TENM2: variants seen among roughly 807,000 people sequenced by gnomAD.
TENM2 encodes teneurin-2.
TENM2 carries 52 observed loss-of-function variants against 245.2 expected under a neutral mutation model. That is an observed-to-expected ratio of 0.21 (90% CI 0.17 to 0.27). The LOEUF (loss-of-function observed/expected upper bound fraction) is 0.27, where lower values mean the gene tolerates loss of function less well. Ranked by LOEUF, TENM2 falls within the 10% of genes least tolerant of loss-of-function variation. The pLI is 1.00. For missense variants in TENM2, 3,046 were observed against 3,666.8 expected, an observed-to-expected ratio of 0.83 and a Z score of 4.37; for synonymous variants, 1,363 against 1,438.9, an observed-to-expected ratio of 0.95 and a Z score of 1.19.
At chr5:168,257,355 A>G (rs1767760337) in intron 27 of TENM2, among the ~76,000 whole-genome samples, 1 of 152,102 alleles carries the variant, frequency 6.6e-6, no homozygotes, top group Admixed American at 6.5e-5. Flanking sequence ...AGGGAGAGCA[A>G]GAGAGGCAGA....
chr5:167,027,858 C>A, the TENM2 span, among the ~76,000 whole-genome samples: 1 of 151,902 alleles, frequency 6.6e-6, no homozygotes, highest in Non-Finnish European at 1.5e-5. Context: ...GCAGGTGGAT[C>A]ATTTGAGGTC....
intron 12 of TENM2, among the ~76,000 whole-genome samples, chr5:168,139,694 G>T (rs1409032234): frequency 6.6e-6 from 1 of 152,154 alleles, no homozygotes; most frequent in Non-Finnish European, 1.5e-5. Flanking sequence ...TCCCATACAT[G>T]GGGTAGGCGA....
the TENM2 span, among the ~76,000 whole-genome samples, chr5:167,206,627 T>TA: frequency 6.6e-6 from 1 of 152,342 alleles, no homozygotes; most frequent in East Asian, 1.9e-4. Flanking sequence ...AATGAGCTGT[T>TA]AAAATAAGTA....
At chr5:167,950,867 G>A (rs1020160423) in intron 3 of TENM2, among the ~76,000 whole-genome samples, 1 of 152,298 alleles carries the variant, frequency 6.6e-6, no homozygotes, top group Admixed American at 6.5e-5. Context: ...GATGCATAAT[G>A]TAAAATAGGA....
chr5:167,385,219 A>C (rs1486555700), intron 2 of TENM2, among the ~76,000 whole-genome samples: 1 of 152,006 alleles, frequency 6.6e-6, no homozygotes, highest in Non-Finnish European at 1.5e-5. Context: ...CTTGAATATT[A>C]TTTCTGCTTC....
At chr5:167,032,287 C>T in the TENM2 span, among the ~76,000 whole-genome samples, 1 of 152,194 alleles carries the variant, frequency 6.6e-6, no homozygotes, top group East Asian at 1.9e-4. Context: ...ATCTGCAAAT[C>T]TGTCCTTAAA....
chr5:167,655,889 C>G (rs574519389), intron 2 of TENM2, among the ~76,000 whole-genome samples: 60 of 152,128 alleles, frequency 3.9e-4, no homozygotes, highest in Admixed American at 9.2e-4. Context: ...CCAGGGCCAC[C>G]TTTTGAATCT....
intron 4 of TENM2, among the ~76,000 whole-genome samples, chr5:167,984,067 A>G (rs933296175): frequency 1.3e-5 from 2 of 152,156 alleles, no homozygotes; most frequent in African/African-American, 2.4e-5. Flanking sequence ...CAAGCCCAAG[A>G]AGTAGCTACT....
chr5:168,090,174 A>G (rs1387728973), intron 7 of TENM2, among the ~76,000 whole-genome samples: 1 of 151,452 alleles, frequency 6.6e-6, no homozygotes, highest in African/African-American at 2.4e-5. Context: ...TGTATTACAT[A>G]ATGCAGAGGG....
At chr5:167,334,780 C>G (rs773082013) in intron 1 of TENM2, among the ~76,000 whole-genome samples, 2 of 152,136 alleles carry the variant, frequency 1.3e-5, no homozygotes, top group African/African-American at 4.8e-5. Context: ...TAAAAGGATA[C>G]CAAATTGAAG....
At chr5:167,297,362 G>T (rs1226336560) in intron 1 of TENM2, 1 of 152,184 alleles carries the variant, frequency 6.6e-6, no homozygotes, top group African/African-American at 2.4e-5. Flanking sequence ...CCATCTCCTT[G>T]TTTCTGAGTC....
intron 23 of TENM2, among the ~76,000 whole-genome samples, chr5:168,221,284 AT>A (rs1763650301): frequency 6.6e-6 from 1 of 152,072 alleles, no homozygotes; most frequent in Non-Finnish European, 1.5e-5. Flanking sequence ...TACAGAAGCC[AT>A]TTATCTGCCG....
intron 2 of TENM2, among the ~76,000 whole-genome samples, chr5:167,515,568 A>G (rs1179715083): frequency 8.2e-6 from 1 of 122,562 alleles, no homozygotes; most frequent in Non-Finnish European, 1.7e-5. Flanking sequence ...CTTAATGTCA[A>G]TTGAAGAAGA....
intron 12 of TENM2, among the ~76,000 whole-genome samples, chr5:168,159,912 G>A (rs1013686105): frequency 5.3e-5 from 8 of 152,176 alleles, no homozygotes; most frequent in Admixed American, 2.0e-4. Context: ...TTTTGAGTGC[G>A]TATCTCTGAC....
intron 2 of TENM2, among the ~76,000 whole-genome samples, chr5:167,419,003 A>G (rs1008843803): frequency 2.6e-5 from 4 of 152,176 alleles, no homozygotes; most frequent in Non-Finnish European, 5.9e-5. Context: ...TAATTTGACT[A>G]AAGTATATAA....
At chr5:168,091,629 A>G (rs1458546285) in intron 8 of TENM2, among the ~76,000 whole-genome samples, 1 of 152,232 alleles carries the variant, frequency 6.6e-6, no homozygotes, top group Non-Finnish European at 1.5e-5. Flanking sequence ...TATTAGACCC[A>G]TTTCACAGAA....
At chr5:167,806,517 C>T (rs942223072) in intron 2 of TENM2, among the ~76,000 whole-genome samples, 5 of 152,082 alleles carry the variant, frequency 3.3e-5, no homozygotes, top group Admixed American at 2.6e-4. Flanking sequence ...CTTCTCTTCC[C>T]TATTGCCTTT....
chr5:167,353,509 T>G (rs113430131), intron 1 of TENM2, among the ~76,000 whole-genome samples: 11 of 102,534 alleles, frequency 1.1e-4, no homozygotes, highest in African/African-American at 3.9e-4. Flanking sequence ...TGTTTTTTTT[T>G]TTTTTTTTTT....
At chr5:167,835,675 A>G (rs1166350001) in intron 2 of TENM2, among the ~76,000 whole-genome samples, 1 of 152,210 alleles carries the variant, frequency 6.6e-6, no homozygotes, top group Non-Finnish European at 1.5e-5. Context: ...ATGAATGCTG[A>G]CTATATTCCT....
Sources: allele counts gnomAD v4.1 joint callset (sites outside exome capture counted in the v4.1 genomes callset), GRCh38; gene constraint gnomAD v4.1.1; transcripts MANE v1.5; gene names NCBI Gene and HGNC (gene_info 2026-07-23, HGNC 2026-07-21).